Variants in ILRUN observed in about 807,000 individuals in gnomAD.
ILRUN encodes the protein protein ILRUN.
Under a neutral mutation model 33.8 loss-of-function variants are expected in ILRUN, and 3 were observed. The observed-to-expected ratio is 0.09, with a 90% confidence interval of 0.04 to 0.23. The LOEUF is 0.23. Ranked by LOEUF, ILRUN falls within the 10% of genes least tolerant of loss-of-function variation. The pLI is 1.00. For synonymous variants in ILRUN, 124 were observed against 138.9 expected, an observed-to-expected ratio of 0.89 and a Z score of 0.75; for missense variants, 210 against 375.1, an observed-to-expected ratio of 0.56 and a Z score of 3.64.
intron 1 of ILRUN, chr6:34,671,860 C>A (rs1039775501): frequency 8.5e-5 from 13 of 152,216 alleles, no homozygotes; most frequent in African/African-American, 1.7e-4. Flanking sequence ...TCTTCCTTAG[C>A]CAGCAGTGGG....
chr6:34,631,174 C>T (rs1562009871), intron 3 of ILRUN, among the ~76,000 whole-genome samples: 2 of 152,136 alleles, frequency 1.3e-5, no homozygotes, highest in Non-Finnish European at 2.9e-5. Flanking sequence ...TTAGTATACC[C>T]TGCTGAAAGG....
At chr6:34,684,867 G>A (rs1445051392) in intron 1 of ILRUN, among the ~76,000 whole-genome samples, 1 of 152,200 alleles carries the variant, frequency 6.6e-6, no homozygotes, top group Non-Finnish European at 1.5e-5. Context: ...GTAGAAGTAG[G>A]TAAACTGGGA....
intron 3 of ILRUN, among the ~76,000 whole-genome samples, chr6:34,622,949 A>G (rs1762039123): frequency 6.6e-6 from 1 of 152,252 alleles, no homozygotes; most frequent in Non-Finnish European, 1.5e-5. Flanking sequence ...TACATGCTAT[A>G]ATATGGATGA....
intron 1 of ILRUN, among the ~76,000 whole-genome samples, chr6:34,674,114 G>A (rs953845051): frequency 7.9e-5 from 12 of 152,176 alleles, no homozygotes; most frequent in South Asian, 4.2e-4. Flanking sequence ...TGCAACCTCC[G>A]CCTCCGGGTT....
intron 3 of ILRUN, among the ~76,000 whole-genome samples, chr6:34,633,706 A>C (rs1366445571): frequency 6.6e-6 from 1 of 151,590 alleles, no homozygotes; most frequent in Non-Finnish European, 1.5e-5. Flanking sequence ...AAAAGTAAAA[A>C]ACAAGACAGG....
At chr6:34,674,911 CAAAA>C (rs937327855) in intron 1 of ILRUN, among the ~76,000 whole-genome samples, 1 of 151,986 alleles carries the variant, frequency 6.6e-6, no homozygotes, top group Non-Finnish European at 1.5e-5. Context: ...CACATACACA[CAAAA>C]AAATTTTTTT....
intron 1 of ILRUN, among the ~76,000 whole-genome samples, chr6:34,696,128 A>C (rs1192216062): frequency 6.6e-6 from 1 of 151,668 alleles, no homozygotes; most frequent in South Asian, 2.1e-4. Context: ...AAGTCTACCC[A>C]CTATGCCTGG....
At chr6:34,625,646 T>C (rs143456458) in intron 3 of ILRUN, among the ~76,000 whole-genome samples, 3 of 152,312 alleles carry the variant, frequency 2.0e-5, no homozygotes, top group East Asian at 3.9e-4. Context: ...GTACTAGTCA[T>C]GCTTAACCAG....
intron 3 of ILRUN, among the ~76,000 whole-genome samples, chr6:34,626,266 A>G (rs1762126974): frequency 6.6e-6 from 1 of 152,044 alleles, no homozygotes; most frequent in South Asian, 2.1e-4. Flanking sequence ...TGACCTTCTG[A>G]GCTCAAACAA....
At chr6:34,695,718 C>G (rs986883270) in intron 1 of ILRUN, among the ~76,000 whole-genome samples, 2 of 151,410 alleles carry the variant, frequency 1.3e-5, no homozygotes, top group African/African-American at 4.9e-5. Flanking sequence ...TCATTTCCCC[C>G]ACTTTTCCTA....
chr6:34,625,908 T>C (rs1427390790), intron 3 of ILRUN, among the ~76,000 whole-genome samples: 2 of 144,130 alleles, frequency 1.4e-5, no homozygotes, highest in East Asian at 2.0e-4. Flanking sequence ...TGGAGTGCAG[T>C]GGCACGATCT....
intron 4 of ILRUN, among the ~76,000 whole-genome samples, chr6:34,593,036 G>A (rs911773050): frequency 2.0e-5 from 3 of 151,876 alleles, no homozygotes; most frequent in Non-Finnish European, 1.5e-5. Context: ...TTAATTAGTT[G>A]GACATGGCGA....
chr6:34,624,736 A>G (rs1762080451), intron 3 of ILRUN, among the ~76,000 whole-genome samples: 1 of 152,232 alleles, frequency 6.6e-6, no homozygotes, highest in Non-Finnish European at 1.5e-5. Flanking sequence ...CTAATGTGTT[A>G]GTTTTGAACA....
chr6:34,671,191 A>C (rs895982035), intron 1 of ILRUN, among the ~76,000 whole-genome samples: 8 of 152,038 alleles, frequency 5.3e-5, no homozygotes, highest in Admixed American at 1.3e-4. Context: ...CAGATCACTT[A>C]AGCCCAGGAG....
intron 3 of ILRUN, among the ~76,000 whole-genome samples, chr6:34,616,332 C>T (rs1351156704): frequency 1.3e-5 from 2 of 152,204 alleles, no homozygotes; most frequent in Non-Finnish European, 2.9e-5. Context: ...ACAGGAACTT[C>T]ACACTTCCCC....
rs186827910 is a variant in ILRUN at position 34,666,225 on chromosome 6, G to A, written c.159-11446C>T. ...TGCCAGTATCTCCAAGTACTCTGTG[G>A]ACATATTTGGCTGCTTTCTGGTATA... On this transcript the variant is annotated intron_variant, in intron 1 of 4. Transcript: ENST00000374023. Among the ~76,000 whole-genome samples the A allele has an allele frequency of 1.5e-3, 222 of 152,286 alleles. 1 individual carries two copies. The highest frequency in any genetic ancestry group is 5.0e-3 in the African/African-American group (208 of 41,558).
At chr6:34,662,691 T>C (rs1762914381) in intron 1 of ILRUN, among the ~76,000 whole-genome samples, 1 of 152,208 alleles carries the variant, frequency 6.6e-6, no homozygotes, top group Non-Finnish European at 1.5e-5. Context: ...AATGAGTACA[T>C]AGTTTCTGTT....
rs1275522948 is a variant in ILRUN, at chr6:34,670,438, TTAAAAGA to T, written c.159-15666_159-15660del. Among the ~76,000 whole-genome samples, 4 of 152,274 alleles carry T rather than the reference TTAAAAGA, an allele frequency of 2.6e-5. No individual in the cohort carries two copies. The East Asian group carries it at 5.8e-4, about 22-fold the overall frequency. On this transcript the variant is annotated intron_variant, in intron 1 of 4. Coordinates refer to ENST00000374023, the MANE Select transcript of ILRUN (RefSeq NM_024294.4). ...GCAAATTATACTTCAGTAAAGGTAC[TTAAAAGA>T]TAAAGCAAATGTGGCAAAATGGTGA... is the stretch of plus-strand genomic sequence containing the variant.
At chr6:34,676,175 C>G (rs1763225109) in intron 1 of ILRUN, among the ~76,000 whole-genome samples, 1 of 151,940 alleles carries the variant, frequency 6.6e-6, no homozygotes, top group South Asian at 2.1e-4. Context: ...TGTTGAGAGG[C>G]TGAGGTGGAG....
Sources: allele counts gnomAD v4.1 joint callset (sites outside exome capture counted in the v4.1 genomes callset), GRCh38; gene constraint gnomAD v4.1.1; transcripts MANE v1.5; gene names NCBI Gene and HGNC (gene_info 2026-07-23, HGNC 2026-07-21).